PRTG: variants seen among roughly 807,000 people sequenced by gnomAD.
PRTG encodes protogenin.
PRTG carries 67 observed loss-of-function variants against 122.5 expected under a neutral mutation model. The observed-to-expected ratio is 0.55, with a 90% CI of 0.45 to 0.67. The LOEUF (loss-of-function observed/expected upper bound fraction) is 0.67, where lower values mean the gene tolerates loss of function less well. Among genes scored for constraint, PRTG ranks in the 30% least tolerant of loss-of-function variants. The pLI is 0.00. For synonymous variants in PRTG, 554 were observed against 501.1 expected (o/e 1.11, Z -1.41); for missense variants, 1,435 against 1,415.4 (o/e 1.01, Z -0.22).
Position 55,743,131 on chromosome 15 carries a change from A to C in PRTG, c.-200T>G, listed in dbSNP as rs1026515340. 2 of 1,259,058 alleles carry C rather than the reference A, an allele frequency of 1.6e-6. No homozygotes were observed. The highest frequency in any genetic ancestry group is 1.6e-5 in the African/African-American group (1 of 63,716). The allele number at this position is 1,259,058 out of a possible 1,614,324, so 78.0% of individuals were successfully genotyped here. On this transcript the variant is annotated 5_prime_UTR_variant, in exon 1 of 20. Coordinates refer to ENST00000389286, the MANE Select transcript of PRTG (RefSeq NM_173814.6). The stretch of plus-strand genomic sequence containing the variant: ...CCGCTCGCGAGAAGCAAGGGGCCTG[A>C]GAGTCCGGCTGGGGGCGGAGTGAGG...
In PRTG at chr15:55,618,573, C is replaced by T. The variant is rs539117186; in HGVS notation, c.*1439G>A. On this transcript the variant is annotated 3_prime_UTR_variant, in exon 20 of 20. Coordinates refer to ENST00000389286, the MANE Select transcript of PRTG (RefSeq NM_173814.6). ...GAGTAAACAATTTGCTGATTTCAAA[C>T]CTGCAAGAGGATTAACTCACTCCTG... The T allele has an allele frequency of 6.6e-6, 1 of 152,156 alleles. No homozygotes were observed. The highest frequency in any genetic ancestry group is 1.9e-4 in the East Asian group (1 of 5,190). 9.4% of individuals were successfully genotyped at this position (152,156 alleles called of 1,614,324 possible). A position where few individuals can be genotyped will look rare whatever the true frequency, so the allele number is the denominator to read the frequency against.
chr15:55,698,065 G>C (rs1002374262), intron 2 of PRTG, among the ~76,000 whole-genome samples: 1 of 152,112 alleles, frequency 6.6e-6, no homozygotes, highest in Middle Eastern at 3.4e-3. Context: ...CTTGCACCAA[G>C]GTTAACCTTC....
intron 2 of PRTG, among the ~76,000 whole-genome samples, chr15:55,697,242 A>C (rs2059636840): frequency 6.6e-6 from 1 of 152,180 alleles, no homozygotes; most frequent in African/African-American, 2.4e-5. Flanking sequence ...CCCTACAATT[A>C]TTCAGGTCCC....
intron 17 of PRTG, among the ~76,000 whole-genome samples, chr15:55,626,752 C>T (rs1259038806): frequency 2.7e-5 from 4 of 150,940 alleles, no homozygotes; most frequent in Admixed American, 6.6e-5. Flanking sequence ...TGTGAGACTC[C>T]GTCTCAAAAA....
At chr15:55,712,923 T>C (rs2030447412) in intron 2 of PRTG, among the ~76,000 whole-genome samples, 1 of 152,194 alleles carries the variant, frequency 6.6e-6, no homozygotes, top group African/African-American at 2.4e-5. Context: ...TTTAGACCAC[T>C]CATTTAAAAA....
intron 2 of PRTG, among the ~76,000 whole-genome samples, chr15:55,691,416 C>T (rs2059601018): frequency 6.6e-6 from 1 of 151,874 alleles, no homozygotes; most frequent in Admixed American, 6.6e-5. Context: ...GGCACGGTGG[C>T]TCACACCTGT....
intron 11 of PRTG, among the ~76,000 whole-genome samples, chr15:55,659,324 C>CT: frequency 6.6e-6 from 1 of 152,278 alleles, no homozygotes; most frequent in Admixed American, 6.5e-5. Flanking sequence ...GAAATAAGTA[C>CT]TCGTATTTAG....
intron 14 of PRTG, 122 bp from the exon 15 acceptor site, chr15:55,637,462 C>A: frequency 1.4e-6 from 1 of 697,296 alleles, no homozygotes; most frequent in Non-Finnish European, 2.2e-6. Flanking sequence ...GAAATCACAG[C>A]TTTCAAAGAT....
intron 11 of PRTG, among the ~76,000 whole-genome samples, chr15:55,668,836 G>A (rs933117559): frequency 1.6e-4 from 24 of 152,110 alleles, no homozygotes; most frequent in Non-Finnish European, 2.9e-4. Flanking sequence ...TCTAGGGACT[G>A]AGCTTTGAGG....
At chr15:55,702,553 A>G (rs917191831) in intron 2 of PRTG, among the ~76,000 whole-genome samples, 1 of 152,202 alleles carries the variant, frequency 6.6e-6, no homozygotes, top group Non-Finnish European at 1.5e-5. Context: ...CTGAAGAACC[A>G]TAAGATGCTG....
Position 55,618,205 on chromosome 15 carries a change from C to T in PRTG, c.*1807G>A, listed in dbSNP as rs975373305. ...CATTGAACTTTAGTCTTAATCACAT[C>T]CAGTTTGGCACAAAATTACAGATTT... On this transcript the variant is annotated 3_prime_UTR_variant, in exon 20 of 20. Coordinates refer to ENST00000389286, the MANE Select transcript of PRTG (RefSeq NM_173814.6). 1 of 152,132 alleles carries T rather than the reference C, an allele frequency of 6.6e-6. No homozygotes were observed. The highest frequency in any genetic ancestry group is 1.5e-5 in the Non-Finnish European group (1 of 68,036). 9.4% of individuals were successfully genotyped at this position (152,132 alleles called of 1,614,324 possible).
At chr15:55,720,041 G>A (rs1267483777) in intron 2 of PRTG, among the ~76,000 whole-genome samples, 2 of 151,862 alleles carry the variant, frequency 1.3e-5, no homozygotes, top group African/African-American at 2.4e-5. Context: ...CCTGGGCAAC[G>A]AGAGTGAAAC....
At chr15:55,621,632 C>A (rs1319190235) in intron 18 of PRTG, among the ~76,000 whole-genome samples, 1 of 152,106 alleles carries the variant, frequency 6.6e-6, no homozygotes, top group Non-Finnish European at 1.5e-5. Context: ...CATAGCAAGA[C>A]TCTGTCTCAA....
intron 11 of PRTG, among the ~76,000 whole-genome samples, chr15:55,654,062 A>G (rs2059367506): frequency 6.6e-6 from 1 of 152,216 alleles, no homozygotes; most frequent in South Asian, 2.1e-4. Context: ...AACACTGAAA[A>G]ACTAATACGA....
At chr15:55,628,683 C>T (rs187865349) in intron 16 of PRTG, 139 bp downstream of exon 16, 10 of 641,086 alleles carry the variant, frequency 1.6e-5, no homozygotes, top group East Asian at 2.7e-5. Flanking sequence ...AACTCTATAA[C>T]ATCAGAAGCT....
At chr15:55,666,598 T>C (rs2059440611) in intron 11 of PRTG, among the ~76,000 whole-genome samples, 2 of 152,236 alleles carry the variant, frequency 1.3e-5, no homozygotes. Context: ...GGGTAATCCA[T>C]ATACATTTTA....
At chr15:55,705,914 C>A (rs1261787200) in intron 2 of PRTG, among the ~76,000 whole-genome samples, 2 of 142,580 alleles carry the variant, frequency 1.4e-5, no homozygotes, top group African/African-American at 5.2e-5. Flanking sequence ...GTGGCACGGT[C>A]TTGGCTCACT....
At chr15:55,713,450 T>C (rs2030472245) in intron 2 of PRTG, among the ~76,000 whole-genome samples, 1 of 152,226 alleles carries the variant, frequency 6.6e-6, no homozygotes, top group East Asian at 1.9e-4. Context: ...CTTATGTGCA[T>C]GGGCAAGAGT....
intron 1 of PRTG, 165 bp downstream of exon 1, chr15:55,742,673 C>G: frequency 2.6e-6 from 2 of 774,276 alleles, no homozygotes; most frequent in South Asian, 3.6e-5. Context: ...CTGCAGCTGG[C>G]GGTTCCGGAC....
Sources: allele counts gnomAD v4.1 joint callset (sites outside exome capture counted in the v4.1 genomes callset), GRCh38; gene constraint gnomAD v4.1.1; transcripts MANE v1.5; gene names NCBI Gene and HGNC (gene_info 2026-07-23, HGNC 2026-07-21).